The following EIF4E3 variants were observed in gnomAD, a reference collection of about 807,000 sequenced individuals.
The protein encoded by EIF4E3 is eukaryotic translation initiation factor 4E family member 3, also known as eukaryotic translation initiation factor 4E type 3.
Under a neutral mutation model 31.7 loss-of-function variants are expected in EIF4E3, and 26 were observed. The ratio of observed to expected loss-of-function variants is 0.82; its 90% CI spans 0.60 to 1.14. The LOEUF (loss-of-function observed/expected upper bound fraction) is 1.14. Ranked by LOEUF, EIF4E3 falls within the 50% of genes most tolerant of loss-of-function variation. The pLI, the probability that EIF4E3 is intolerant of heterozygous loss-of-function variation, is 0.00. For missense variants in EIF4E3, 304 were observed against 270.9 expected, an observed-to-expected ratio of 1.12 and a Z score of -0.86; for synonymous variants, 128 against 107.7, an observed-to-expected ratio of 1.19 and a Z score of -1.17.
intron 1 of EIF4E3, among the ~76,000 whole-genome samples, chr3:71,739,254 G>A (rs2049795851): frequency 6.6e-6 from 1 of 150,894 alleles, no homozygotes; most frequent in African/African-American, 2.4e-5. Context: ...AAAATAAAGA[G>A]CAGAAATTAA....
chr3:71,664,565 T>C, the EIF4E3 span, among the ~76,000 whole-genome samples: 2 of 152,096 alleles, frequency 1.3e-5, no homozygotes, highest in Non-Finnish European at 2.9e-5. Context: ...ACTGGGACTG[T>C]TGAGAGAGAG....
At chr3:71,715,474 T>C (rs2108093667) in intron 1 of EIF4E3, among the ~76,000 whole-genome samples, 1 of 152,350 alleles carries the variant, frequency 6.6e-6, no homozygotes, top group Non-Finnish European at 1.5e-5. Context: ...ATATCATTTT[T>C]TAATTCTCCC....
intron 1 of EIF4E3, among the ~76,000 whole-genome samples, chr3:71,724,022 C>T (rs2108118982): frequency 6.6e-6 from 1 of 152,226 alleles, no homozygotes; most frequent in Non-Finnish European, 1.5e-5. Context: ...AAAACAAAAT[C>T]TTGCAGTCAT....
chr3:71,681,736 T>C lies in EIF4E3; in HGVS notation c.*2946A>G, dbSNP rs1033825717. On this transcript the variant is annotated 3_prime_UTR_variant, in exon 7 of 7. Transcript: ENST00000425534. Reference sequence around the variant, plus strand: ...GTTCGGCCAAGGCTCAGTTGGTGGATTGTATATTATGTCTATAGGACCCAA... The same window carrying C: ...GTTCGGCCAAGGCTCAGTTGGTGGACTGTATATTATGTCTATAGGACCCAA... 2 of 152,224 alleles carry C rather than the reference T, an allele frequency of 1.3e-5. No homozygotes were observed. The highest frequency in any genetic ancestry group is 2.4e-5 in the African/African-American group (1 of 41,458). 9.4% of individuals were successfully genotyped at this position (152,224 alleles called of 1,614,324 possible). A position where few individuals can be genotyped will look rare whatever the true frequency, so the allele number is the denominator to read the frequency against.
chr3:71,707,110 G>A (rs1264446606), intron 2 of EIF4E3, among the ~76,000 whole-genome samples: 1 of 152,182 alleles, frequency 6.6e-6, no homozygotes, highest in Non-Finnish European at 1.5e-5. Context: ...AAACATGACT[G>A]AAGAAAGCAC....
At chr3:71,738,583 A>G (rs1056476019) in intron 1 of EIF4E3, among the ~76,000 whole-genome samples, 2 of 152,158 alleles carry the variant, frequency 1.3e-5, no homozygotes, top group Admixed American at 6.5e-5. Context: ...CATAATTATA[A>G]AAGAATCAAC....
chr3:71,702,821 G>C (rs2049237313), intron 2 of EIF4E3, among the ~76,000 whole-genome samples: 1 of 151,900 alleles, frequency 6.6e-6, no homozygotes, highest in Admixed American at 6.6e-5. Flanking sequence ...ATGTCTGCTG[G>C]TGAAATACCT....
intron 1 of EIF4E3, among the ~76,000 whole-genome samples, chr3:71,738,933 C>A (rs1376744949): frequency 7.8e-6 from 1 of 128,254 alleles, no homozygotes; most frequent in Non-Finnish European, 1.6e-5. Context: ...TAAATCAATA[C>A]CAGAAAAAGA....
intron 1 of EIF4E3, among the ~76,000 whole-genome samples, chr3:71,747,688 C>G (rs2049887509): frequency 6.6e-6 from 1 of 152,144 alleles, no homozygotes; most frequent in African/African-American, 2.4e-5. Context: ...CAAGAAACCA[C>G]TTCCTAATCT....
rs2048945673 is a variant in EIF4E3, at chr3:71,683,277, G to A, written c.*1405C>T. On this transcript the variant is annotated 3_prime_UTR_variant, in exon 7 of 7. Coordinates refer to ENST00000425534, the MANE Select transcript of EIF4E3 (RefSeq NM_001134651.2). ...TAAAGTAGCCTCAAGTCTCTCTGCT[G>A]GTCAACACTGCAAGAGGAATTAAAA... is the stretch of plus-strand genomic sequence containing the variant. 1 of 152,166 alleles carries A rather than the reference G, an allele frequency of 6.6e-6. No individual in the cohort carries two copies. The highest frequency in any genetic ancestry group is 2.4e-5 in the African/African-American group (1 of 41,434). The allele number at this position is 152,166 out of a possible 1,614,324, so 9.4% of individuals were successfully genotyped here.
intron 2 of EIF4E3, among the ~76,000 whole-genome samples, chr3:71,701,617 T>A (rs761226781): frequency 6.6e-6 from 1 of 152,140 alleles, no homozygotes; most frequent in Non-Finnish European, 1.5e-5. Context: ...ACGAGTAAAA[T>A]AGCAATTAGA....
chr3:71,704,047 G>A (rs2218651), intron 2 of EIF4E3, among the ~76,000 whole-genome samples: 54,030 of 152,026 alleles, frequency 0.36, 10,182 homozygotes, highest in African/African-American at 0.48. Flanking sequence ...CAGACACAAA[G>A]GCTGAAAGCA....
At chr3:71,699,161 A>C (rs1300726200) in intron 3 of EIF4E3, among the ~76,000 whole-genome samples, 1 of 152,148 alleles carries the variant, frequency 6.6e-6, no homozygotes, top group Non-Finnish European at 1.5e-5. Context: ...TGGGAGGTCA[A>C]GGCTGTGGTG....
At chr3:71,739,386 GTAAATCAACACC>G (rs2049797375) in intron 1 of EIF4E3, among the ~76,000 whole-genome samples, 1 of 152,110 alleles carries the variant, frequency 6.6e-6, no homozygotes, top group African/African-American at 2.4e-5. Flanking sequence ...TCCACTACCA[GTAAATCAACACC>G]ATAAGAAATG....
chr3:71,700,378 T>C (rs1041101283), intron 2 of EIF4E3, among the ~76,000 whole-genome samples: 12 of 152,108 alleles, frequency 7.9e-5, no homozygotes, highest in African/African-American at 2.9e-4. Flanking sequence ...ACTGAATATA[T>C]GTACTGAACA....
intron 6 of EIF4E3, among the ~76,000 whole-genome samples, chr3:71,687,573 A>G (rs1424653414): frequency 6.6e-6 from 1 of 152,222 alleles, no homozygotes; most frequent in Non-Finnish European, 1.5e-5. Flanking sequence ...CCTGCTGTAA[A>G]CAATTCTCAC....
chr3:71,700,015 A>G (rs893639885), intron 2 of EIF4E3, among the ~76,000 whole-genome samples: 1 of 152,186 alleles, frequency 6.6e-6, no homozygotes, highest in East Asian at 1.9e-4. Flanking sequence ...TCTACAAAAA[A>G]TACAAAAAAT....
intron 1 of EIF4E3, among the ~76,000 whole-genome samples, chr3:71,742,568 T>A (rs1447674638): frequency 6.6e-6 from 1 of 151,806 alleles, no homozygotes; most frequent in Non-Finnish European, 1.5e-5. Context: ...AAGAAAAAAA[T>A]TCTACATAAA....
In EIF4E3 at chr3:71,699,682, G is replaced by A. The variant is rs2108047987; in HGVS notation, c.276C>T (p.Ile92=). ...VQIFWSVYNN[I]PPVTSLPLRC... ...TCAAAGGCAGGCTAGTCACAGGAGGGATATTATTGTATACACTCCAAAATA... is the reference window on the plus strand; with the variant it reads ...TCAAAGGCAGGCTAGTCACAGGAGGAATATTATTGTATACACTCCAAAATA... The change falls in exon 3 of 7, where the codon ATC becomes ATT. Residue 92 remains isoleucine (I), a synonymous_variant. Transcript: ENST00000425534. 2 of 1,613,298 alleles carry A rather than the reference G, an allele frequency of 1.2e-6. No homozygotes were observed. Among genetic ancestry groups the A allele is most frequent in the Non-Finnish European group, 1.7e-6 (2 of 1,179,800 alleles).
Sources: gnomAD v4.1 joint callset for allele counts (sites outside exome capture counted in the v4.1 genomes callset) on GRCh38, gnomAD v4.1.1 for gene constraint, MANE v1.5 for transcripts, NCBI Gene and HGNC (gene_info 2026-07-23, HGNC 2026-07-21) for gene names.